TTF2: variants seen among roughly 807,000 people sequenced by gnomAD.
TTF2 encodes the protein transcription termination factor 2, also known as RNA polymerase II termination factor.
A neutral mutation model predicts 142.4 loss-of-function variants in TTF2; 108 were observed. That is an observed-to-expected ratio of 0.76 (90% CI 0.65 to 0.89). TTF2 has a LOEUF of 0.89. Among genes scored for constraint, TTF2 ranks in the 40% least tolerant of loss-of-function variants. The pLI, the probability that TTF2 is intolerant of heterozygous loss-of-function variation, is 0.00. For synonymous variants in TTF2, 483 were observed against 506.2 expected, an observed-to-expected ratio of 0.95 and a Z score of 0.61; for missense variants, 1,327 against 1,379.8, an observed-to-expected ratio of 0.96 and a Z score of 0.61.
At chr1:117,094,773 T>C (rs769746745) in intron 18 of TTF2, 5 of 396,850 alleles carry the variant, frequency 1.3e-5, no homozygotes, top group Non-Finnish European at 2.5e-5. Flanking sequence ...CAAGAGATAA[T>C]AAGCAATTAA....
chr1:117,098,724 A>T, intron 21 of TTF2, 109 bp from the exon 22 acceptor site: 1 of 906,484 alleles, frequency 1.1e-6, no homozygotes. Flanking sequence ...TGTAACAATA[A>T]TTTTTAGCTA....
chr1:117,071,593 A>G (rs888979299), intron 3 of TTF2, among the ~76,000 whole-genome samples: 12 of 151,948 alleles, frequency 7.9e-5, no homozygotes, highest in Non-Finnish European at 1.2e-4. Context: ...TGTTTTTAAT[A>G]CTTATTGATT....
intron 8 of TTF2, among the ~76,000 whole-genome samples, chr1:117,078,278 A>G (rs1657183976): frequency 2.0e-5 from 3 of 152,212 alleles, no homozygotes; most frequent in Admixed American, 1.3e-4. Flanking sequence ...CCATTTGTTG[A>G]GTTGGTAGGT....
chr1:117,084,032 A>G lies in TTF2; in HGVS notation c.1918A>G (p.Thr640Ala), dbSNP rs1570841940. 1 of 1,614,192 alleles carries G rather than the reference A, an allele frequency of 6.2e-7. No individual in the cohort carries two copies. Among genetic ancestry groups the G allele is most frequent in the Non-Finnish European group, 8.5e-7 (1 of 1,180,042 alleles). The change falls in exon 11 of 23, where the codon ACT (threonine) becomes GCT (alanine). Residue 640 changes from threonine to alanine, a missense_variant. Thr to Ala is a moderately conservative substitution (Grantham distance 58, BLOSUM62 0). Transcript: ENST00000369466. ...CCCTTCTCAAGACTCTTGTGACTTT[A>G]CTTCCCATGGAACACTAATCATCTG... is the stretch of plus-strand genomic sequence containing the variant. ...WLSKDDSCDFTSHGTLIICPA... is the reference protein window; with the variant it reads ...WLSKDDSCDFASHGTLIICPA...
At chr1:117,071,180 A>G (rs1285241738) in intron 3 of TTF2, among the ~76,000 whole-genome samples, 1 of 152,188 alleles carries the variant, frequency 6.6e-6, no homozygotes, top group Non-Finnish European at 1.5e-5. Flanking sequence ...ATTGAAATGT[A>G]CATGAAATGA....
Position 117,090,048 on chromosome 1 carries a change from A to G in TTF2, c.2343-7A>G. ...CTACTCTGTGCCCTTCTTCCTCAAC[A>G]AAAAAGGTTTCTCCGTTGCTCTCCA... On this transcript the variant is annotated splice_polypyrimidine_tract_variant and splice_region_variant and intron_variant, in intron 13 of 22. Coordinates refer to ENST00000369466, the MANE Select transcript of TTF2 (RefSeq NM_003594.4). The surrounding 1 kb of genome is among the most constrained non-coding windows in gnomAD (Gnocchi z 4.8). The G allele has an allele frequency of 1.2e-6, 2 of 1,609,948 alleles. No homozygotes were observed. Among genetic ancestry groups the G allele is most frequent in the Non-Finnish European group, 1.7e-6 (2 of 1,177,744 alleles).
In TTF2 at chr1:117,084,225, C is replaced by T. The variant is rs1029103299; in HGVS notation, c.2054+57C>T. 33 of 1,597,474 alleles carry T rather than the reference C, an allele frequency of 2.1e-5. No individual in the cohort carries two copies. In the East Asian group the frequency reaches 2.9e-4, roughly 14 times the overall value. ...TTCAGCACCTCTGCCCAAGGGCCCA[C>T]GGGCCTTTGCTCCCATCCCTGAGAT... is the stretch of plus-strand genomic sequence containing the variant. On this transcript the variant is annotated intron_variant, in intron 11 of 22. Transcript: ENST00000369466.
Position 117,076,900 on chromosome 1 carries a change from C to T in TTF2, c.1573+77C>T. The T allele has an allele frequency of 7.5e-7, 1 of 1,328,158 alleles. No individual in the cohort carries two copies. The highest frequency in any genetic ancestry group is 1.0e-6 in the Non-Finnish European group (1 of 976,478). The allele number at this position is 1,328,158 out of a possible 1,614,324, so 82.3% of individuals were successfully genotyped here. Reference sequence around the variant, plus strand: ...GTGCCACCCGGTACAGTAGTCACCTCTTATCCACACTTTCAGTTAACCTTA... The same window carrying T: ...GTGCCACCCGGTACAGTAGTCACCTTTTATCCACACTTTCAGTTAACCTTA... On this transcript the variant is annotated intron_variant, in intron 7 of 22. Coordinates refer to ENST00000369466, the MANE Select transcript of TTF2 (RefSeq NM_003594.4). The surrounding 1 kb of genome is among the most constrained non-coding windows in gnomAD (Gnocchi z 4.6).
chr1:117,060,893 C>CGG (rs1280314850), intron 2 of TTF2, among the ~76,000 whole-genome samples: 1 of 152,178 alleles, frequency 6.6e-6, no homozygotes, highest in Admixed American at 6.5e-5. Flanking sequence ...ACAGTCCCTC[C>CGG]CCCTTTAAAG....
In TTF2 at chr1:117,076,706, C is replaced by G; in HGVS notation, c.1456C>G (p.Pro486Ala). The G allele has an allele frequency of 6.2e-7, 1 of 1,614,088 alleles. No homozygotes were observed. Among genetic ancestry groups the G allele is most frequent in the South Asian group, 1.1e-5 (1 of 91,064 alleles). The stretch of plus-strand genomic sequence containing the variant: ...TCACTTCACCAAAACTACCACTGGC[C>G]CTCCCCACCTGGTGCCTCCCCAACC... Reference protein sequence around the residue: ...QSHFTKTTTGPPHLVPPQPLP... With the variant: ...QSHFTKTTTGAPHLVPPQPLP... Residue 486 changes from proline to alanine, a missense_variant, in exon 7 of 23, where the codon CCT becomes GCT. Physicochemically the swap from Pro to Ala is conservative, Grantham distance 27. Transcript: ENST00000369466. The surrounding 1 kb of genome is among the most constrained non-coding windows in gnomAD (Gnocchi z 4.6).
At chr1:117,078,519 AGAGAG>A (rs1647208051) in intron 8 of TTF2, among the ~76,000 whole-genome samples, 1 of 152,370 alleles carries the variant, frequency 6.6e-6, no homozygotes, top group African/African-American at 2.4e-5. Context: ...TTTAGATAGC[AGAGAG>A]GAAAGGAATA....
intron 2 of TTF2, among the ~76,000 whole-genome samples, chr1:117,062,064 A>T (rs1233093027): frequency 6.6e-6 from 1 of 152,222 alleles, no homozygotes; most frequent in Non-Finnish European, 1.5e-5. Context: ...CCTGGGGAAA[A>T]TTCATACAGG....
chr1:117,094,468 C>G (rs751281882), intron 18 of TTF2, among the ~76,000 whole-genome samples: 1 of 152,134 alleles, frequency 6.6e-6, no homozygotes, highest in Admixed American at 6.5e-5. Context: ...CCCACGTGTT[C>G]TTACTGACAG....
In TTF2 at chr1:117,106,573, T is replaced by A. The variant is rs1024237004; in HGVS notation, c.*5049T>A. The A allele has an allele frequency of 6.6e-6, 1 of 152,208 alleles. No individual in the cohort carries two copies. Among genetic ancestry groups the A allele is most frequent in the Non-Finnish European group, 1.5e-5 (1 of 68,036 alleles). The allele number at this position is 152,208 out of a possible 1,614,324, so 9.4% of individuals were successfully genotyped here. On this transcript the variant is annotated 3_prime_UTR_variant, in exon 23 of 23. Coordinates refer to ENST00000369466, the MANE Select transcript of TTF2 (RefSeq NM_003594.4). ...TATCCTGTCCTCCTGAGGCTTAGCA[T>A]CTAAGGGAGACAGGCATTAGTCAAC...
rs774031297 is a variant in TTF2 at position 117,075,211 on chromosome 1, A to G, written c.627A>G (p.Gly209=). 5 of 1,614,238 alleles carry G rather than the reference A, an allele frequency of 3.1e-6. No individual in the cohort carries two copies. The South Asian group carries it at 5.5e-5, about 18-fold the overall frequency. ...GAEIQCEAET[G]GTHKRDFSEI... is the part of the protein sequence containing the mutation. ...AGATTCAGTGTGAGGCAGAGACTGG[A>G]GGCACACACAAAAGAGACTTTTCTG... The change falls in exon 5 of 23, where the codon GGA becomes GGG. Residue 209 remains glycine, a synonymous_variant. Transcript: ENST00000369466. This position sits in a 1 kb window ranked among gnomAD's most constrained non-coding sequence, Gnocchi z 4.5.
At chr1:117,094,787 A>G (rs1648957150) in intron 18 of TTF2, 1 of 387,942 alleles carries the variant, frequency 2.6e-6, no homozygotes, top group Admixed American at 3.6e-5. Context: ...CAATTAATAT[A>G]CAGTATGACA....
chr1:117,067,548 A>G (rs1056585529), intron 3 of TTF2, among the ~76,000 whole-genome samples: 1 of 150,018 alleles, frequency 6.7e-6, no homozygotes, highest in African/African-American at 2.5e-5. Flanking sequence ...AAAAAAAAAA[A>G]GTTGTCTTAG....
Position 117,075,845 on chromosome 1 carries a change from C to T in TTF2, c.1261C>T (p.Leu421=), listed in dbSNP as rs17036836. 3,243 of 1,605,224 alleles carry T rather than the reference C, an allele frequency of 2.0e-3. 44 individuals are homozygous for T. In the African/African-American group the frequency reaches 0.032, roughly 16 times the overall value. The change falls in exon 5 of 23, where the codon CTG becomes TTG. Residue 421 remains leucine, a synonymous_variant. Transcript: ENST00000369466. The surrounding 1 kb of genome is among the most constrained non-coding windows in gnomAD (Gnocchi z 4.5). ...VARRVYLTTQ[L]KQKKSTLASV... ...CCGGCGTGTCTACCTTACAACACAA[C>T]TGAAACAAAAGAAGGTAACTATTGA...
intron 16 of TTF2, 97 bp downstream of exon 16, chr1:117,091,507 C>T: frequency 7.6e-7 from 1 of 1,314,048 alleles, no homozygotes; most frequent in Non-Finnish European, 1.0e-6. Flanking sequence ...TCCTTGGTAT[C>T]AGAGATTTGG....
Sources: allele counts gnomAD v4.1 joint callset (sites outside exome capture counted in the v4.1 genomes callset), GRCh38; gene constraint gnomAD v4.1.1; non-coding constraint Gnocchi (gnomAD v3.1); transcripts MANE v1.5; gene names NCBI Gene and HGNC (gene_info 2026-07-23, HGNC 2026-07-21).